The following LIPA variants were observed in gnomAD, a reference collection of about 807,000 sequenced individuals.
LIPA encodes the protein lipase A, lysosomal acid type.
A neutral mutation model predicts 40.6 loss-of-function variants in LIPA; 26 were observed. The observed-to-expected ratio is 0.64, with a 90% CI of 0.47 to 0.89. The LOEUF is 0.89. Among genes scored for constraint, LIPA ranks in the 40% least tolerant of loss-of-function variants. The pLI is 0.00. For missense variants in LIPA, 455 were observed against 479.6 expected (o/e 0.95, Z 0.48); for synonymous variants, 188 against 168.4 (o/e 1.12, Z -0.90).
intron 1 of LIPA, chr10:89,340,739 C>A (rs1843858043): frequency 6.6e-6 from 1 of 152,166 alleles, no homozygotes; most frequent in Non-Finnish European, 1.5e-5. Context: ...CCTGCCCTCC[C>A]TGCCAAGGGT....
intron 2 of LIPA, among the ~76,000 whole-genome samples, chr10:89,395,005 G>T (rs1844320565): frequency 6.6e-6 from 1 of 152,000 alleles, no homozygotes; most frequent in South Asian, 2.1e-4. Context: ...TATTAAGTTG[G>T]ACTTTCTCAT....
At chr10:89,240,375 TTGAAGCTGTAGTAAGCTA>T (rs948611810) in intron 3 of LIPA, among the ~76,000 whole-genome samples, 8 of 152,156 alleles carry the variant, frequency 5.3e-5, no homozygotes, top group African/African-American at 1.7e-4. Flanking sequence ...GGAGGATCAT[TTGAAGCTGTAGTAAGCTA>T]TGATTGTACC....
chr10:89,377,677 T>C (rs1217946087), intron 2 of LIPA, among the ~76,000 whole-genome samples: 3 of 152,204 alleles, frequency 2.0e-5, no homozygotes, highest in East Asian at 1.9e-4. Context: ...GGAGCTTCCA[T>C]TGTAGACGTC....
intron 2 of LIPA, among the ~76,000 whole-genome samples, chr10:89,364,126 G>C (rs932358780): frequency 6.6e-6 from 1 of 152,120 alleles, no homozygotes; most frequent in Non-Finnish European, 1.5e-5. Flanking sequence ...CTGTTTGGTG[G>C]CACACATCGC....
chr10:89,290,830 G>A (rs1027733430), intron 1 of LIPA, among the ~76,000 whole-genome samples: 27 of 152,298 alleles, frequency 1.8e-4, no homozygotes, highest in Admixed American at 1.7e-3. Flanking sequence ...CCTGCACCCA[G>A]GTGATTAAAA....
At chr10:89,330,317 T>C (rs1257968635) in intron 1 of LIPA, among the ~76,000 whole-genome samples, 1 of 152,252 alleles carries the variant, frequency 6.6e-6, no homozygotes, top group Non-Finnish European at 1.5e-5. Context: ...GCAAATTACT[T>C]GCCCAAGACA....
chr10:89,368,981 T>C (rs952180684), intron 2 of LIPA, among the ~76,000 whole-genome samples: 2 of 151,836 alleles, frequency 1.3e-5, no homozygotes, highest in African/African-American at 4.8e-5. Context: ...CCGAATCTGC[T>C]CTCCCTGGCT....
chr10:89,378,524 C>G (rs896422894), intron 2 of LIPA, among the ~76,000 whole-genome samples: 1 of 152,158 alleles, frequency 6.6e-6, no homozygotes, highest in Non-Finnish European at 1.5e-5. Context: ...GTGAAAAAAT[C>G]ACTGACAACC....
chr10:89,393,122 G>T, intron 2 of LIPA: 1 of 1,293,700 alleles, frequency 7.7e-7, no homozygotes, highest in Non-Finnish European at 1.0e-6. Context: ...TTACCACAGA[G>T]AAAAAGCAGG....
At chr10:89,342,873 A>G (rs1843885062), upstream of LIPA, among the ~76,000 whole-genome samples, 1 of 152,218 alleles carries the variant, frequency 6.6e-6, no homozygotes, top group Admixed American at 6.5e-5. Context: ...TAATCTTGTC[A>G]TATGACAAAG....
intron 2 of LIPA, among the ~76,000 whole-genome samples, chr10:89,397,417 A>G (rs1185585520): frequency 6.6e-6 from 1 of 151,780 alleles, no homozygotes; most frequent in Non-Finnish European, 1.5e-5. Flanking sequence ...CTTGAAGGCC[A>G]TAATAATACA....
At chr10:89,308,378 T>C (rs1332949715) in intron 1 of LIPA, 1 of 152,138 alleles carries the variant, frequency 6.6e-6, no homozygotes, top group African/African-American at 2.4e-5. Context: ...GAACCTGGTT[T>C]GAGACGGTAG....
intron 2 of LIPA, among the ~76,000 whole-genome samples, chr10:89,380,594 C>T (rs937549481): frequency 4.6e-5 from 7 of 152,066 alleles, no homozygotes; most frequent in East Asian, 1.9e-4. Flanking sequence ...TCGCCAGGCC[C>T]GGCTAATTTT....
chr10:89,371,212 A>T (rs1463731277), intron 2 of LIPA, among the ~76,000 whole-genome samples: 1 of 152,210 alleles, frequency 6.6e-6, no homozygotes, highest in African/African-American at 2.4e-5. Context: ...AAGAGTATCT[A>T]ATGAAAGACC....
At chr10:89,397,657 T>G (rs1404520203) in intron 2 of LIPA, among the ~76,000 whole-genome samples, 1 of 151,272 alleles carries the variant, frequency 6.6e-6, no homozygotes. Flanking sequence ...ATTATAGGCA[T>G]GAGTCATTGT....
intron 2 of LIPA, among the ~76,000 whole-genome samples, chr10:89,379,035 T>C (rs917616573): frequency 4.6e-5 from 7 of 152,192 alleles, no homozygotes; most frequent in African/African-American, 1.4e-4. Flanking sequence ...CTTTTAGGCA[T>C]CCAGGTGAGA....
chr10:89,347,705 A>T (rs1843931893), intron 2 of LIPA, among the ~76,000 whole-genome samples: 1 of 152,228 alleles, frequency 6.6e-6, no homozygotes, highest in Non-Finnish European at 1.5e-5. Context: ...CTGATTAATT[A>T]TAAAGGTCTA....
At chr10:89,322,168 T>G (rs904876728) in intron 1 of LIPA, among the ~76,000 whole-genome samples, 9 of 152,212 alleles carry the variant, frequency 5.9e-5, no homozygotes, top group African/African-American at 2.2e-4. Context: ...AGTATACATA[T>G]GTAACAAACC....
chr10:89,288,400 C>G (rs569002428), intron 1 of LIPA, among the ~76,000 whole-genome samples: 6 of 152,144 alleles, frequency 3.9e-5, no homozygotes, highest in Admixed American at 3.9e-4. Context: ...GAAGCTGCCC[C>G]CATGCTAGCT....
Sources: gnomAD v4.1 joint callset for allele counts (sites outside exome capture counted in the v4.1 genomes callset) on GRCh38, gnomAD v4.1.1 for gene constraint, MANE v1.5 for transcripts, NCBI Gene and HGNC (gene_info 2026-07-23, HGNC 2026-07-21) for gene names.